The following GNAT2 variants were observed in gnomAD, a reference collection of about 807,000 sequenced individuals.
The protein encoded by GNAT2 is guanine nucleotide-binding protein G(t) subunit alpha-2.
A neutral mutation model predicts 40.9 loss-of-function variants in GNAT2; 32 were observed. The observed-to-expected ratio is 0.78, with a 90% CI of 0.59 to 1.05. GNAT2 has a LOEUF of 1.05. Ranked by LOEUF, GNAT2 falls within the 50% of genes least tolerant of loss-of-function variation. The pLI, the probability that GNAT2 is intolerant of heterozygous loss-of-function variation, is 0.00. For synonymous variants in GNAT2, 141 were observed against 157.2 expected (o/e 0.90, Z 0.77); for missense variants, 355 against 431.5 (o/e 0.82, Z 1.57).
At chr1:109,609,991 T>G (rs112293483) in intron 4 of GNAT2, 49 bp downstream of exon 4, 6 of 1,591,862 alleles carry the variant, frequency 3.8e-6, no homozygotes, top group African/African-American at 2.7e-5. Context: ...TGTTTCTTCT[T>G]GCTAGCCTTT....
chr1:109,609,810 T>C, intron 4 of GNAT2: 2 of 541,500 alleles, frequency 3.7e-6, no homozygotes, highest in Non-Finnish European at 6.7e-6. Context: ...ATGTGTAAAA[T>C]GAGGCTAATT....
chr1:109,612,833 G>T lies in GNAT2; in HGVS notation c.38C>A (p.Ala13Asp). 3 of 1,613,302 alleles carry T rather than the reference G, an allele frequency of 1.9e-6. No homozygotes were observed. The highest frequency in any genetic ancestry group is 1.7e-6 in the Non-Finnish European group (2 of 1,179,380). Residue 13 changes from alanine (A) to aspartate (D), a missense_variant, in exon 2 of 9, where the codon GCC (alanine) becomes GAC (aspartate). Ala to Asp is a moderately radical substitution (Grantham distance 126, BLOSUM62 -2). Transcript: ENST00000679935. ...SGASAEDKEL[A>D]KRSKELEKKL... Reference sequence around the variant, plus strand: ...CTTTTCTAGCTCCTTGGACCTCTTGGCCAGTTCTTTGTCCTCAGCACTGGC... The same window carrying T: ...CTTTTCTAGCTCCTTGGACCTCTTGTCCAGTTCTTTGTCCTCAGCACTGGC...
At chr1:109,605,753 G>A (rs914172076) in intron 7 of GNAT2, 4 of 519,236 alleles carry the variant, frequency 7.7e-6, no homozygotes, top group Non-Finnish European at 1.1e-5. Context: ...TTGAGACCAA[G>A]CTCACTGTCA....
intron 1 of GNAT2, among the ~76,000 whole-genome samples, chr1:109,618,659 T>C (rs1650029041): frequency 1.3e-5 from 2 of 152,238 alleles, no homozygotes; most frequent in Non-Finnish European, 1.5e-5. Flanking sequence ...CCAACCTGCA[T>C]TAGCGTTTAT....
Position 109,603,514 on chromosome 1 carries a change from T to C in GNAT2, c.905A>G (p.Tyr302Cys). ...GAGGTCAAGGAACTGGCTCTTTATG[T>C]AATTCCCCGCATCATCATAGGAGTT... is the stretch of plus-strand genomic sequence containing the variant. ...GNNSYDDAGN[Y>C]IKSQFLDLNM... Residue 302 changes from tyrosine (Y) to cysteine (C), a missense_variant, in exon 9 of 9, where the codon TAC becomes TGC. By Grantham distance (194) the Tyr-to-Cys change is radical (BLOSUM62 -2). Coordinates refer to ENST00000679935, the MANE Select transcript of GNAT2 (RefSeq NM_001377295.2). The C allele has an allele frequency of 6.2e-7, 1 of 1,611,012 alleles. No homozygotes were observed. Among genetic ancestry groups the C allele is most frequent in the Non-Finnish European group, 8.5e-7 (1 of 1,177,164 alleles).
In GNAT2 at chr1:109,606,369, A is replaced by G. The variant is rs1352705122; in HGVS notation, c.529T>C (p.Ser177Pro). 1 of 1,611,246 alleles carries G rather than the reference A, an allele frequency of 6.2e-7. No homozygotes were observed. The highest frequency in any genetic ancestry group is 2.2e-5 in the East Asian group (1 of 44,888). ...YLPSEQDVLR[S>P]RVKTTGIIET... ...ATGATGCCCGTGGTTTTGACTCTGG[A>G]TCGGAGCACATCTTGCTCACTAGGG... Residue 177 changes from serine (S) to proline (P), a missense_variant, in exon 6 of 9, where the codon TCC becomes CCC. Ser to Pro is a moderately conservative substitution (Grantham distance 74). Coordinates refer to ENST00000679935, the MANE Select transcript of GNAT2 (RefSeq NM_001377295.2).
rs760527034 is a variant in GNAT2 at position 109,604,096 on chromosome 1, C to T, written c.729G>A (p.Met243Ile). ...TGTTGAACAGATGCAAAGACTCATG[C>T]ATACGATTCTAGTAAGAGGAAACAC... ...VLVEDDEVNR[M>I]HESLHLFNSI... is the part of the protein sequence containing the mutation. The change falls in exon 8 of 9, where the codon ATG becomes ATA. Residue 243 changes from methionine to isoleucine, a missense_variant. Physicochemically the swap from Met to Ile is conservative, Grantham distance 10 (BLOSUM62 1). Transcript: ENST00000679935. 31 of 1,610,152 alleles carry T rather than the reference C, an allele frequency of 1.9e-5. No homozygotes were observed. In the East Asian group the frequency reaches 6.5e-4, roughly 34 times the overall value.
chr1:109,606,416 C>A lies in GNAT2; in HGVS notation c.482G>T (p.Arg161Leu), dbSNP rs983915440. ...SASYYLNQLERITDPEYLPSE... is the reference protein window; with the variant it reads ...SASYYLNQLELITDPEYLPSE... The stretch of plus-strand genomic sequence containing the variant: ...AGGGAGGTACTCAGGGTCTGTAATT[C>A]GTTCTAATTGGTTCAGGTAGCTAGA... Residue 161 changes from arginine to leucine, a missense_variant, in exon 6 of 9, where the codon CGA becomes CTA. Transcript: ENST00000679935. The A allele has an allele frequency of 4.3e-6, 7 of 1,613,076 alleles. No homozygotes were observed. The highest frequency in any genetic ancestry group is 5.9e-6 in the Non-Finnish European group (7 of 1,179,184).
intron 1 of GNAT2, chr1:109,613,918 CCTT>C (rs942270928): frequency 1.4e-4 from 22 of 152,222 alleles, no homozygotes; most frequent in African/African-American, 5.1e-4. Context: ...AGCTCTCTCT[CCTT>C]CTGGCTCTCA....
chr1:109,603,661 C>T (rs1649503915), intron 8 of GNAT2, 117 bp from the exon 9 acceptor site: 1 of 763,206 alleles, frequency 1.3e-6, no homozygotes, highest in Admixed American at 1.9e-5. Context: ...CAGTTGGGGG[C>T]CTATTTTTGG....
chr1:109,609,707 T>C (rs1649732483), intron 4 of GNAT2: 8 of 368,586 alleles, frequency 2.2e-5, no homozygotes, highest in South Asian at 8.8e-5. Context: ...ATATTCAGCT[T>C]TGTAGTCAAG....
At chr1:109,604,279 C>G (rs759437923) in intron 7 of GNAT2, 175 bp from the exon 8 acceptor site, 3 of 629,104 alleles carry the variant, frequency 4.8e-6, no homozygotes, top group Non-Finnish European at 8.5e-6. Flanking sequence ...CATTCTAGTT[C>G]CCTATCTTTC....
intron 4 of GNAT2, 192 bp downstream of exon 4, chr1:109,609,848 T>C: frequency 1.5e-6 from 1 of 649,590 alleles, no homozygotes; most frequent in Non-Finnish European, 2.8e-6. Flanking sequence ...CTTAAGGTCT[T>C]ACTGCGTAGA....
At chr1:109,604,699 C>T (rs17024258) in intron 7 of GNAT2, 7,008 of 159,178 alleles carry the variant, frequency 0.044, 240 homozygotes, top group African/African-American at 0.083. Flanking sequence ...AGCGAGAAGT[C>T]GGGCTGCATA....
intron 4 of GNAT2, 32 bp downstream of exon 4, chr1:109,610,008 C>T: frequency 1.2e-6 from 2 of 1,609,822 alleles, no homozygotes; most frequent in Non-Finnish European, 1.7e-6. Flanking sequence ...CTTTCTGCTT[C>T]CACCCTTAAC....
chr1:109,610,160 A>G lies in GNAT2; in HGVS notation c.183T>C (p.Tyr61=), dbSNP rs1214158138. Residue 61 remains tyrosine, a synonymous_variant, in exon 4 of 9, where the codon TAT becomes TAC. Coordinates refer to ENST00000679935, the MANE Select transcript of GNAT2 (RefSeq NM_001377295.2). The stretch of plus-strand genomic sequence containing the variant: ...TGAACTCCAGGCATTCTTCTGGTGA[A>G]TAGCCATCCTGGTGAATGATCCTGC... ...KQMKIIHQDG[Y]SPEECLEFKA... 2 of 1,613,976 alleles carry G rather than the reference A, an allele frequency of 1.2e-6. No individual in the cohort carries two copies. Among genetic ancestry groups the G allele is most frequent in the Non-Finnish European group, 1.7e-6 (2 of 1,179,944 alleles).
chr1:109,618,086 T>C (rs1217950123), intron 1 of GNAT2: 2 of 152,198 alleles, frequency 1.3e-5, no homozygotes, highest in Non-Finnish European at 2.9e-5. Context: ...TCCCCTTGAT[T>C]ATAAAAGTTA....
At chr1:109,616,292 C>T (rs1293676073) in intron 1 of GNAT2, 1 of 152,190 alleles carries the variant, frequency 6.6e-6, no homozygotes, top group African/African-American at 2.4e-5. Context: ...GAAAAGTGAT[C>T]CTCACATTAA....
At chr1:109,603,694 C>T in intron 8 of GNAT2, 150 bp from the exon 9 acceptor site, 1 of 694,056 alleles carries the variant, frequency 1.4e-6, no homozygotes, top group Non-Finnish European at 2.6e-6. Context: ...CTATTGCACT[C>T]CAGTGTTTCT....
Sources: gnomAD v4.1 joint callset for allele counts (sites outside exome capture counted in the v4.1 genomes callset) on GRCh38, gnomAD v4.1.1 for gene constraint, MANE v1.5 for transcripts, NCBI Gene and HGNC (gene_info 2026-07-23, HGNC 2026-07-21) for gene names.